Variants in PTPRC observed in about 807,000 individuals in gnomAD.
The protein encoded by PTPRC is protein tyrosine phosphatase receptor type C.
PTPRC carries 44 observed loss-of-function variants against 155.9 expected under a neutral mutation model. That is an observed-to-expected ratio of 0.28 (90% CI 0.22 to 0.36). PTPRC has a LOEUF of 0.36. Ranked by LOEUF, PTPRC falls within the 10% of genes least tolerant of loss-of-function variation. The pLI is 1.00. For synonymous variants in PTPRC, 525 were observed against 533.1 expected, an observed-to-expected ratio of 0.98 and a Z score of 0.21; for missense variants, 1,401 against 1,564.6, an observed-to-expected ratio of 0.90 and a Z score of 1.76.
chr1:198,744,969 A>G (rs1172925129), intron 26 of PTPRC, among the ~76,000 whole-genome samples: 3 of 151,776 alleles, frequency 2.0e-5, no homozygotes, highest in African/African-American at 7.2e-5. Flanking sequence ...ATCCCCCAGA[A>G]GACCTGTACT....
At chr1:198,727,726 A>T (rs892818643) in intron 15 of PTPRC, among the ~76,000 whole-genome samples, 1 of 152,114 alleles carries the variant, frequency 6.6e-6, no homozygotes, top group Non-Finnish European at 1.5e-5. Context: ...TACTGGAGAT[A>T]TTTCCAACAC....
rs2102313792 is a variant in PTPRC, at chr1:198,677,144, C to A, written c.74-15203C>A. Among the ~76,000 whole-genome samples the A allele has an allele frequency of 1.3e-5, 2 of 152,278 alleles. 1 individual carries two copies. Among genetic ancestry groups the A allele is most frequent in the South Asian group, 4.1e-4 (2 of 4,830 alleles). On this transcript the variant is annotated intron_variant, in intron 2 of 32. Transcript: ENST00000442510. ...ACATTTATCCAACATTACCCGTGGG[C>A]CTGCTATCCATTTTAAATTCTAAAA...
intron 2 of PTPRC, among the ~76,000 whole-genome samples, chr1:198,681,059 CG>C (rs1665295282): frequency 6.6e-6 from 1 of 152,030 alleles, no homozygotes; most frequent in African/African-American, 2.4e-5. Flanking sequence ...AGTAGGTATT[CG>C]GTAAATGTTC....
intron 14 of PTPRC, 124 bp from the exon 15 acceptor site, chr1:198,722,292 A>G: frequency 2.7e-6 from 1 of 371,252 alleles, no homozygotes; most frequent in Non-Finnish European, 4.3e-6. Context: ...AAATCAGCAT[A>G]CTTTTATTGT....
chr1:198,675,026 TTCTG>T (rs1474380757), intron 2 of PTPRC, among the ~76,000 whole-genome samples: 21 of 152,284 alleles, frequency 1.4e-4, no homozygotes, highest in African/African-American at 4.8e-4. Flanking sequence ...TGTGACGGTT[TTCTG>T]TCTTTTTTCT....
intron 2 of PTPRC, among the ~76,000 whole-genome samples, chr1:198,673,798 A>G (rs1664785188): frequency 6.6e-6 from 1 of 152,206 alleles, no homozygotes; most frequent in Non-Finnish European, 1.5e-5. Flanking sequence ...GCGGTAGAAT[A>G]AGCCTTTTGG....
intron 2 of PTPRC, chr1:198,679,326 G>A (rs1478165778): frequency 6.6e-6 from 1 of 150,734 alleles, no homozygotes; most frequent in Non-Finnish European, 1.5e-5. Context: ...TCTGCCTCCC[G>A]GGTTCAAGCA....
rs774053060 is a variant in PTPRC at position 198,722,448 on chromosome 1, A to T, written c.1692A>T (p.Glu564Asp). 2 of 1,474,076 alleles carry T rather than the reference A, an allele frequency of 1.4e-6. No homozygotes were observed. Among genetic ancestry groups the T allele is most frequent in the East Asian group, 2.5e-5 (1 of 39,496 alleles). The allele number at this position is 1,474,076 out of a possible 1,614,324, so 91.3% of individuals were successfully genotyped here. Residue 564 changes from glutamate to aspartate, a missense_variant, in exon 15 of 33, where the codon GAA becomes GAT. Glu to Asp is a conservative substitution (Grantham distance 45). Coordinates refer to ENST00000442510, the MANE Select transcript of PTPRC (RefSeq NM_002838.5). ...AYFHNGDYPG[E>D]PFILHHSTSY... ...TTCACAATGGAGACTATCCTGGAGA[A>T]CCCTTTATTTTACATCATTCAACAT...
intron 14 of PTPRC, among the ~76,000 whole-genome samples, chr1:198,719,808 ACCAT>A (rs1653795071): frequency 6.6e-6 from 1 of 151,960 alleles, no homozygotes; most frequent in East Asian, 1.9e-4. Flanking sequence ...ATAGGTTTTC[ACCAT>A]GTTGGCCAGG....
Position 198,692,262 on chromosome 1 carries a change from G to T in PTPRC, c.74-85G>T, listed in dbSNP as rs1665968879. On this transcript the variant is annotated intron_variant, in intron 2 of 32. Transcript: ENST00000442510. Reference sequence around the variant, plus strand: ...GGTGAATGTTCTATCATAGACTTGAGGTACATATAAAAATCTAATATATGT... The same window carrying T: ...GGTGAATGTTCTATCATAGACTTGATGTACATATAAAAATCTAATATATGT... 8 of 978,794 alleles carry T rather than the reference G, an allele frequency of 8.2e-6. No individual in the cohort carries two copies. In the Admixed American group the frequency reaches 2.2e-4, roughly 27 times the overall value. 60.6% of individuals were successfully genotyped at this position (978,794 alleles called of 1,614,324 possible). A position where few individuals can be genotyped will look rare whatever the true frequency, so the allele number is the denominator to read the frequency against.
chr1:198,692,585 T>C, intron 3 of PTPRC: 1 of 1,043,586 alleles, frequency 9.6e-7, no homozygotes, highest in East Asian at 4.1e-5. Context: ...AATTTGTATA[T>C]ATATTTTGTG....
chr1:198,715,488 A>G (rs867792057), intron 12 of PTPRC, among the ~76,000 whole-genome samples: 1 of 152,092 alleles, frequency 6.6e-6, no homozygotes, highest in Non-Finnish European at 1.5e-5. Context: ...GTGACAGTGA[A>G]GCTTCTTGGT....
intron 2 of PTPRC, among the ~76,000 whole-genome samples, chr1:198,677,687 G>T (rs1665037447): frequency 6.6e-6 from 1 of 152,146 alleles, no homozygotes; most frequent in African/African-American, 2.4e-5. Context: ...AAACAATACT[G>T]TGTGGATTCA....
intron 5 of PTPRC, 138 bp downstream of exon 5, chr1:198,699,842 C>A (rs972026959): frequency 4.6e-5 from 52 of 1,130,922 alleles, no homozygotes; most frequent in Non-Finnish European, 6.0e-5. Context: ...TTCAGTCACT[C>A]TTAGGAATAT....
At chr1:198,642,900 CTTT>C (rs771465465) in intron 2 of PTPRC, among the ~76,000 whole-genome samples, 1 of 82,344 alleles carries the variant, frequency 1.2e-5, no homozygotes, top group Non-Finnish European at 2.7e-5. Flanking sequence ...TCTTTTCTTT[CTTT>C]CTTCCTTTCT....
At position 198,704,494 on chromosome 1, in the gene PTPRC, A is replaced by G; in HGVS notation, c.681A>G (p.Thr227=). ...TTIATTPSKP[T]CDEKYANITV... is the part of the protein sequence containing the mutation. The stretch of plus-strand genomic sequence containing the variant: ...CAGCTACTACTCCATCTAAGCCAAC[A>G]TGTGGTAAGTTTATTTACTTAGAAT... Residue 227 remains threonine (T), a synonymous_variant, in exon 8 of 33, where the codon ACA becomes ACG. Transcript: ENST00000442510. 6.2e-7 allele frequency: 1 copy of G among 1,614,060 alleles called. No homozygotes were observed. The highest frequency in any genetic ancestry group is 8.5e-7 in the Non-Finnish European group (1 of 1,179,972).
At chr1:198,752,898 C>T (rs1009972629) in intron 31 of PTPRC, 126 bp downstream of exon 31, 30 of 973,736 alleles carry the variant, frequency 3.1e-5, no homozygotes, top group African/African-American at 8.1e-5. Context: ...CTTATGGAGT[C>T]GGTCACTCTC....
intron 2 of PTPRC, among the ~76,000 whole-genome samples, chr1:198,653,532 T>G (rs141904865): frequency 0.01 from 1,576 of 151,984 alleles, 35 homozygotes; most frequent in African/African-American, 0.036. Context: ...CATGAACTCC[T>G]ATTCTGTAAT....
intron 2 of PTPRC, among the ~76,000 whole-genome samples, chr1:198,675,455 C>T (rs1664898794): frequency 6.6e-6 from 1 of 152,048 alleles, no homozygotes; most frequent in African/African-American, 2.4e-5. Context: ...AAGAATCCAT[C>T]TAATTTTAGC....
Sources: allele counts gnomAD v4.1 joint callset (sites outside exome capture counted in the v4.1 genomes callset), GRCh38; gene constraint gnomAD v4.1.1; transcripts MANE v1.5; gene names NCBI Gene and HGNC (gene_info 2026-07-23, HGNC 2026-07-21).